The following ESR1 variants were observed in gnomAD, a reference collection of about 807,000 sequenced individuals.
ESR1 encodes estrogen receptor 1.
In ESR1, 12 loss-of-function variants were observed where a neutral mutation model predicts 52.7. That is an observed-to-expected ratio of 0.23 (90% CI 0.15 to 0.37). ESR1 has a LOEUF of 0.37. ESR1 is among the 10% of genes least tolerant of loss of function. The probability of loss-of-function intolerance (pLI) is 1.00; values close to 1 mark genes in which losing one functional copy is unlikely to be tolerated. For synonymous variants in ESR1, 305 were observed against 316.8 expected, an observed-to-expected ratio of 0.96 and a Z score of 0.39; for missense variants, 584 against 779.7, an observed-to-expected ratio of 0.75 and a Z score of 2.99.
intron 2 of ESR1, among the ~76,000 whole-genome samples, chr6:151,874,008 C>T (rs915911012): frequency 3.3e-5 from 5 of 152,080 alleles, no homozygotes; most frequent in Non-Finnish European, 5.9e-5. Flanking sequence ...ATTATTTTGT[C>T]GGACTCCTCC....
chr6:151,792,373 A>C (rs1412191540), intron 2 of ESR1, among the ~76,000 whole-genome samples: 1 of 152,142 alleles, frequency 6.6e-6, no homozygotes, highest in Non-Finnish European at 1.5e-5. Context: ...AATTTATTAA[A>C]AATTTTTCTT....
intron 4 of ESR1, among the ~76,000 whole-genome samples, chr6:151,997,878 C>T (rs936202218): frequency 3.9e-5 from 6 of 152,042 alleles, no homozygotes; most frequent in East Asian, 1.9e-4. Context: ...TGAAAAGATT[C>T]GAAAGCAAGC....
intron 6 of ESR1, among the ~76,000 whole-genome samples, chr6:152,072,326 C>G (rs1043532459): frequency 3.9e-5 from 6 of 151,996 alleles, no homozygotes; most frequent in Non-Finnish European, 8.8e-5. Context: ...TATGTCTTAT[C>G]CTCTGTTTTG....
intron 5 of ESR1, among the ~76,000 whole-genome samples, chr6:152,052,269 C>G (rs954008543): frequency 6.6e-6 from 1 of 152,108 alleles, no homozygotes; most frequent in Non-Finnish European, 1.5e-5. Flanking sequence ...CCGAACACCT[C>G]CCACCATGCC....
intron 1 of ESR1, among the ~76,000 whole-genome samples, chr6:151,812,656 A>G (rs1307044727): frequency 6.6e-6 from 1 of 152,192 alleles, no homozygotes; most frequent in African/African-American, 2.4e-5. Context: ...AGAACCCAGT[A>G]GAGAGAGCAG....
At chr6:151,737,941 C>T (rs1000236484) in intron 2 of ESR1, among the ~76,000 whole-genome samples, 6 of 152,084 alleles carry the variant, frequency 3.9e-5, no homozygotes, top group Non-Finnish European at 8.8e-5. Flanking sequence ...GATATTTCTT[C>T]TTTTGCAAAT....
At chr6:151,717,465 C>A (rs1339275299) in intron 2 of ESR1, among the ~76,000 whole-genome samples, 1 of 152,174 alleles carries the variant, frequency 6.6e-6, no homozygotes. Flanking sequence ...GATTTGACAG[C>A]TTTGTGATAG....
chr6:152,016,301 T>A (rs1244991811), intron 5 of ESR1, among the ~76,000 whole-genome samples: 1 of 152,122 alleles, frequency 6.6e-6, no homozygotes, highest in African/African-American at 2.4e-5. Context: ...ACTAATACAT[T>A]AGGTATATGT....
chr6:151,819,732 C>T (rs9479121), intron 1 of ESR1, among the ~76,000 whole-genome samples: 10,983 of 152,050 alleles, frequency 0.072, 863 homozygotes, highest in African/African-American at 0.17. Flanking sequence ...AAATAAAGTG[C>T]GCAATAAATG....
At chr6:152,082,783 A>G (rs529475492) in intron 6 of ESR1, among the ~76,000 whole-genome samples, 80 of 152,348 alleles carry the variant, frequency 5.3e-4, no homozygotes, top group African/African-American at 1.8e-3. Context: ...TACAAAATCA[A>G]TGTGCAAAAA....
chr6:151,930,108 C>T (rs1428440958), intron 3 of ESR1, among the ~76,000 whole-genome samples: 1 of 151,736 alleles, frequency 6.6e-6, no homozygotes, highest in Non-Finnish European at 1.5e-5. Flanking sequence ...CTCAGTCTCC[C>T]GAATAGCTGG....
chr6:151,722,372 GGAA>G (rs1781522933), intron 2 of ESR1, among the ~76,000 whole-genome samples: 1 of 152,202 alleles, frequency 6.6e-6, no homozygotes, highest in African/African-American at 2.4e-5. Context: ...AGTCCCTCAT[GGAA>G]GAAGAAGATT....
chr6:151,663,100 G>A (rs1777695783), intron 1 of ESR1, among the ~76,000 whole-genome samples: 1 of 152,186 alleles, frequency 6.6e-6, no homozygotes, highest in Non-Finnish European at 1.5e-5. Flanking sequence ...CTTGGATACA[G>A]TTGCTCACCT....
At chr6:151,869,617 A>T (rs546640255) in intron 2 of ESR1, among the ~76,000 whole-genome samples, 1 of 152,174 alleles carries the variant, frequency 6.6e-6, no homozygotes, top group Non-Finnish European at 1.5e-5. Flanking sequence ...AAAAAAAGGG[A>T]TCATGTCACT....
chr6:151,670,762 G>GTTTTTTT (rs35606990), intron 1 of ESR1, among the ~76,000 whole-genome samples: 55 of 85,756 alleles, frequency 6.4e-4, no homozygotes, highest in South Asian at 1.4e-3. Context: ...TTTTGTTTTC[G>GTTTTTTT]TTTTTTTTTT....
intron 2 of ESR1, among the ~76,000 whole-genome samples, chr6:151,845,588 C>A (rs1234991820): frequency 6.6e-6 from 1 of 152,004 alleles, no homozygotes; most frequent in African/African-American, 2.4e-5. Context: ...CAAAACAACA[C>A]CACCACCACT....
intron 2 of ESR1, among the ~76,000 whole-genome samples, chr6:151,783,769 G>C (rs978741517): frequency 1.3e-5 from 2 of 151,958 alleles, no homozygotes; most frequent in African/African-American, 4.8e-5. Context: ...AGTTCCCTTA[G>C]TTTCTACCCA....
At chr6:151,926,821 C>T (rs1466717182) in intron 3 of ESR1, among the ~76,000 whole-genome samples, 2 of 152,002 alleles carry the variant, frequency 1.3e-5, no homozygotes, top group Admixed American at 1.3e-4. Flanking sequence ...TTCTTCCTTC[C>T]CAATCTATAT....
chr6:151,995,881 G>C (rs2041433441), intron 4 of ESR1, among the ~76,000 whole-genome samples: 1 of 152,118 alleles, frequency 6.6e-6, no homozygotes, highest in Admixed American at 6.6e-5. Context: ...ACCCTATGAG[G>C]AAAGTGCTTT....
Sources: allele counts gnomAD v4.1 joint callset (sites outside exome capture counted in the v4.1 genomes callset), GRCh38; gene constraint gnomAD v4.1.1; transcripts MANE v1.5; gene names NCBI Gene and HGNC (gene_info 2026-07-23, HGNC 2026-07-21).